Variants in GGA3 observed in about 807,000 individuals in gnomAD.
GGA3 encodes golgi associated, gamma adaptin ear containing, ARF binding protein 3.
Under a neutral mutation model 77.5 loss-of-function variants are expected in GGA3, and 57 were observed. That is an observed-to-expected ratio of 0.74 (90% CI 0.59 to 0.92). The LOEUF (loss-of-function observed/expected upper bound fraction) is 0.92. Among genes scored for constraint, GGA3 ranks in the 40% least tolerant of loss-of-function variants. The pLI is 0.00. For missense variants in GGA3, 970 were observed against 914.9 expected (o/e 1.06, Z -0.78); for synonymous variants, 416 against 383.7 (o/e 1.08, Z -0.98).
rs1450543443 is a variant in GGA3, at chr17:75,236,758, T to C, written c.*1521A>G. 3 of 153,904 alleles carry C rather than the reference T, an allele frequency of 1.9e-5. No individual in the cohort carries two copies. The highest frequency in any genetic ancestry group is 6.5e-5 in the Admixed American group (1 of 15,502). 9.5% of individuals were successfully genotyped at this position (153,904 alleles called of 1,614,324 possible). ...CATAACACAAAGTTCCATTTCCACA[T>C]AGTAATTCCACAGACATTCCCAGGG... On this transcript the variant is annotated 3_prime_UTR_variant, in exon 17 of 17. Coordinates refer to ENST00000537686, the MANE Select transcript of GGA3 (RefSeq NM_138619.4).
intron 1 of GGA3, among the ~76,000 whole-genome samples, chr17:75,260,997 C>T (rs1330531649): frequency 6.6e-6 from 1 of 152,232 alleles, no homozygotes; most frequent in Non-Finnish European, 1.5e-5. Flanking sequence ...GCTCTCTGTT[C>T]TCTATCATCG....
At chr17:75,258,591 A>C (rs2077235491) in intron 1 of GGA3, among the ~76,000 whole-genome samples, 1 of 152,180 alleles carries the variant, frequency 6.6e-6, no homozygotes, top group Non-Finnish European at 1.5e-5. Flanking sequence ...AATTGCTTGC[A>C]CCTAAGCAAC....
chr17:75,238,440 G>A, intron 16 of GGA3, 51 bp from the exon 17 acceptor site: 2 of 1,487,556 alleles, frequency 1.3e-6, no homozygotes, highest in East Asian at 2.3e-5. Flanking sequence ...CCCTTGGCAG[G>A]ACGCCCTCTA....
upstream of GGA3, chr17:75,261,609 G>A (rs371525414): frequency 1.5e-5 from 23 of 1,536,976 alleles, no homozygotes; most frequent in African/African-American, 1.9e-4. Context: ...CCGGCCCCGC[G>A]GCTTCAAAAC....
At position 75,239,434 on chromosome 17, in the gene GGA3, G is replaced by A. The variant is rs776324450; in HGVS notation, c.1721C>T (p.Pro574Leu). The A allele has an allele frequency of 5.1e-6, 8 of 1,578,260 alleles. No homozygotes were observed. The East Asian group carries it at 6.7e-5, about 13-fold the overall frequency. The change falls in exon 14 of 17, where the codon CCG (proline) becomes CTG (leucine). Residue 574 changes from proline (P) to leucine (L), a missense_variant. Physicochemically the swap from Pro to Leu is moderately conservative, Grantham distance 98. Transcript: ENST00000537686. ...PLSFQSQGSP[P>L]KGPELSLASI... is the part of the protein sequence containing the mutation. ...GGCCAGGGAGAGCTCAGGCCCCTTC[G>A]GGGGGCTGCCCTGGGACTGGAAACT...
At chr17:75,261,115 G>A (rs932468456) in intron 1 of GGA3, among the ~76,000 whole-genome samples, 3 of 152,232 alleles carry the variant, frequency 2.0e-5, no homozygotes, top group Admixed American at 6.5e-5. Context: ...GAACGCAGTC[G>A]GCAGCACCCA....
At chr17:75,241,556 A>C in intron 9 of GGA3, 40 bp from the exon 10 acceptor site, 2 of 1,601,700 alleles carry the variant, frequency 1.2e-6, no homozygotes, top group African/African-American at 1.3e-5. Flanking sequence ...CTGTTGTGAC[A>C]GTTCCCACCC....
At chr17:75,242,548 A>G in intron 7 of GGA3, 75 bp from the exon 8 acceptor site, 3 of 1,553,130 alleles carry the variant, frequency 1.9e-6, no homozygotes, top group Non-Finnish European at 2.7e-6. Flanking sequence ...GTCACACCTT[A>G]CCCCACAACA....
chr17:75,237,459 C>A lies in GGA3; in HGVS notation c.*820G>T. ...GGATAGCAGTTTATTTCATGCCAAGCAAGAGGTAGTCAGTAGGATGGCCTG... is the reference window on the plus strand; with the variant it reads ...GGATAGCAGTTTATTTCATGCCAAGAAAGAGGTAGTCAGTAGGATGGCCTG... On this transcript the variant is annotated 3_prime_UTR_variant, in exon 17 of 17. Coordinates refer to ENST00000537686, the MANE Select transcript of GGA3 (RefSeq NM_138619.4). The A allele has an allele frequency of 6.5e-7, 1 of 1,532,724 alleles. No homozygotes were observed. Among genetic ancestry groups the A allele is most frequent in the Non-Finnish European group, 8.7e-7 (1 of 1,143,800 alleles). The allele number at this position is 1,532,724 out of a possible 1,614,324, so 94.9% of individuals were successfully genotyped here.
intron 10 of GGA3, 130 bp from the exon 11 acceptor site, chr17:75,241,187 G>T (rs747076680): frequency 8.7e-7 from 1 of 1,152,610 alleles, no homozygotes; most frequent in Non-Finnish European, 1.3e-6. Context: ...TCTCTGCCAG[G>T]GGATGCTGCA....
chr17:75,240,201 C>T, intron 12 of GGA3, 93 bp from the exon 13 acceptor site: 1 of 1,225,956 alleles, frequency 8.2e-7, no homozygotes, highest in Non-Finnish European at 1.2e-6. Flanking sequence ...GCACGGAAGA[C>T]AGCCCCGGAG....
rs187464171 is a variant in GGA3, at chr17:75,259,362, T to C, written c.40+2186A>G. 2.7e-3 allele frequency among the ~76,000 whole-genome samples: 418 copies of C among 152,270 alleles called. 1 individual carries two copies. Among genetic ancestry groups the C allele is most frequent in the African/African-American group, 9.4e-3 (391 of 41,540 alleles). ...ATTGATTGATTGATCATGGTGGGAC[T>C]TGAAAGAAGACTGAAGTCATCAAGA... On this transcript the variant is annotated intron_variant, in intron 1 of 16. Coordinates refer to ENST00000537686, the MANE Select transcript of GGA3 (RefSeq NM_138619.4).
At chr17:75,255,649 C>T (rs12401891) in intron 1 of GGA3, among the ~76,000 whole-genome samples, 41 of 152,352 alleles carry the variant, frequency 2.7e-4, no homozygotes, top group African/African-American at 9.1e-4. Flanking sequence ...ATAAACTCTC[C>T]TTACAATTCC....
chr17:75,246,546 TG>T lies in GGA3; in HGVS notation c.163del (p.Gln55SerfsTer12), dbSNP rs1354793663. On this transcript the variant is annotated frameshift_variant, in exon 3 of 17. Transcript: ENST00000537686. LOFTEE classifies it high-confidence loss of function. Reference sequence around the variant, plus strand: ...GAGCGCCTCCCATTCCTGTGGGGACTGGATCTTGTGGGCCAGCAGTCGGACG... The same window carrying T: ...GAGCGCCTCCCATTCCTGTGGGGACTGATCTTGTGGGCCAGCAGTCGGACG... The part of the protein sequence containing the change: ...IAVRLLAHKI[Q>X]SPQEWEALQA... 1 of 1,613,872 alleles carries T rather than the reference TG, an allele frequency of 6.2e-7. No homozygotes were observed. Among genetic ancestry groups the T allele is most frequent in the Admixed American group, 1.7e-5 (1 of 60,020 alleles).
intron 1 of GGA3, among the ~76,000 whole-genome samples, chr17:75,259,095 A>G (rs890950677): frequency 2.0e-5 from 3 of 151,536 alleles, no homozygotes; most frequent in Non-Finnish European, 3.0e-5. Flanking sequence ...CTGGGACTAC[A>G]GGCGCCCGCC....
chr17:75,261,472 G>A (rs1232908573), intron 1 of GGA3, 76 bp downstream of exon 1: 12 of 1,205,522 alleles, frequency 1.0e-5, no homozygotes, highest in Middle Eastern at 6.0e-4. Flanking sequence ...CGTGGAGCCC[G>A]GGGAGGGGAC....
chr17:75,252,550 C>T (rs1054614953), intron 1 of GGA3, among the ~76,000 whole-genome samples: 6 of 152,086 alleles, frequency 3.9e-5, no homozygotes, highest in African/African-American at 1.4e-4. Flanking sequence ...CTTATCCCTA[C>T]CCTCCACTCC....
chr17:75,259,236 G>A (rs1188662788), intron 1 of GGA3, among the ~76,000 whole-genome samples: 1 of 152,140 alleles, frequency 6.6e-6, no homozygotes, highest in Non-Finnish European at 1.5e-5. Context: ...TTACAGGAGA[G>A]TTCTTCATCC....
intron 1 of GGA3, among the ~76,000 whole-genome samples, chr17:75,256,913 C>T (rs1486674657): frequency 1.3e-5 from 2 of 152,102 alleles, no homozygotes; most frequent in African/African-American, 4.8e-5. Context: ...GTCATTTCTT[C>T]CCTTCGGTCA....
Sources: allele counts gnomAD v4.1 joint callset (sites outside exome capture counted in the v4.1 genomes callset), GRCh38; gene constraint gnomAD v4.1.1; transcripts MANE v1.5; gene names NCBI Gene and HGNC (gene_info 2026-07-23, HGNC 2026-07-21).